Variants in ITFG1 observed in about 807,000 individuals in gnomAD.
ITFG1 encodes T-cell immunomodulatory protein.
A neutral mutation model predicts 81.8 loss-of-function variants in ITFG1; 34 were observed. The ratio of observed to expected loss-of-function variants is 0.42; its 90% CI spans 0.32 to 0.55. The LOEUF is 0.55. Ranked by LOEUF, ITFG1 falls within the 20% of genes least tolerant of loss-of-function variation. The probability of loss-of-function intolerance (pLI) is 0.17; values close to 1 mark genes in which losing one functional copy is unlikely to be tolerated. For synonymous variants in ITFG1, 285 were observed against 270.6 expected, an observed-to-expected ratio of 1.05 and a Z score of -0.52; for missense variants, 672 against 755.4, an observed-to-expected ratio of 0.89 and a Z score of 1.29.
chr16:47,415,868 C>T (rs1354357055), intron 6 of ITFG1, among the ~76,000 whole-genome samples: 5 of 151,972 alleles, frequency 3.3e-5, no homozygotes, highest in African/African-American at 1.2e-4. Flanking sequence ...CTGAGGTGGG[C>T]GGATCACCTG....
At chr16:47,289,856 C>T (rs1966887476) in intron 10 of ITFG1, among the ~76,000 whole-genome samples, 1 of 151,992 alleles carries the variant, frequency 6.6e-6, no homozygotes, top group Non-Finnish European at 1.5e-5. Context: ...CTGCTCTGAT[C>T]TTTATTGTTT....
chr16:47,303,121 A>G (rs149431170), intron 10 of ITFG1, among the ~76,000 whole-genome samples: 3,067 of 152,156 alleles, frequency 0.02, 104 homozygotes, highest in African/African-American at 0.07. Context: ...AATACAAAAA[A>G]TTAGCCAGGA....
chr16:47,181,872 T>C (rs1347080749), intron 14 of ITFG1, among the ~76,000 whole-genome samples: 1 of 152,204 alleles, frequency 6.6e-6, no homozygotes, highest in African/African-American at 2.4e-5. Context: ...CCTGTTGATC[T>C]ATGACCTTAC....
At chr16:47,438,217 A>G (rs994199042) in intron 5 of ITFG1, among the ~76,000 whole-genome samples, 2 of 152,234 alleles carry the variant, frequency 1.3e-5, no homozygotes, top group Non-Finnish European at 2.9e-5. Context: ...ACCACAGCTC[A>G]AGGAGGCCTG....
At chr16:47,211,759 T>A (rs1965563532) in intron 14 of ITFG1, among the ~76,000 whole-genome samples, 1 of 152,188 alleles carries the variant, frequency 6.6e-6, no homozygotes, top group African/African-American at 2.4e-5. Context: ...TCAGTTAATA[T>A]GACCATGTGG....
At chr16:47,175,289 G>A (rs1356174015) in intron 14 of ITFG1, among the ~76,000 whole-genome samples, 1 of 151,114 alleles carries the variant, frequency 6.6e-6, no homozygotes, top group Non-Finnish European at 1.5e-5. Context: ...TCTTTATCAT[G>A]AGGAAATTTA....
intron 14 of ITFG1, among the ~76,000 whole-genome samples, chr16:47,173,282 T>C (rs890053590): frequency 1.3e-5 from 2 of 152,186 alleles, no homozygotes; most frequent in African/African-American, 4.8e-5. Flanking sequence ...TTAAATAACT[T>C]ACTTAGTATG....
intron 13 of ITFG1, among the ~76,000 whole-genome samples, chr16:47,228,300 G>A (rs972713812): frequency 6.6e-6 from 1 of 152,054 alleles, no homozygotes; most frequent in African/African-American, 2.4e-5. Context: ...TTTAAAGCAT[G>A]GTAAAACAGT....
intron 14 of ITFG1, chr16:47,218,092 T>A (rs1443990641): frequency 6.6e-6 from 1 of 152,226 alleles, no homozygotes; most frequent in Non-Finnish European, 1.5e-5. Flanking sequence ...TATATTTGAT[T>A]TAGTAAGGCC....
At position 47,293,917 on chromosome 16, in the gene ITFG1, G is replaced by A. The variant is rs569382721; in HGVS notation, c.1070+17323C>T. On this transcript the variant is annotated intron_variant, in intron 10 of 17. Coordinates refer to ENST00000320640, the MANE Select transcript of ITFG1 (RefSeq NM_030790.5). ...TTGTCATTGTTGATTATGCTTTTGA[G>A]GCCTTAGTCATGAATTAGCTGCCTG... 2.2e-4 allele frequency among the ~76,000 whole-genome samples: 34 copies of A among 152,022 alleles called. No homozygotes were observed. In the South Asian group the frequency reaches 6.9e-3, roughly 31 times the overall value.
intron 7 of ITFG1, among the ~76,000 whole-genome samples, chr16:47,375,496 A>G (rs1968311971): frequency 6.6e-6 from 1 of 152,064 alleles, no homozygotes; most frequent in Non-Finnish European, 1.5e-5. Context: ...ATTTCTTTAT[A>G]TAAGCCTAAA....
At chr16:47,317,314 A>G (rs1967375464) in intron 8 of ITFG1, among the ~76,000 whole-genome samples, 1 of 152,226 alleles carries the variant, frequency 6.6e-6, no homozygotes. Flanking sequence ...TGTTCTTGTC[A>G]TAAAAATGGA....
intron 8 of ITFG1, among the ~76,000 whole-genome samples, chr16:47,341,310 C>T (rs374949377): frequency 3.4e-5 from 5 of 145,964 alleles, no homozygotes; most frequent in African/African-American, 1.0e-4. Context: ...GTGTGGTGCG[C>T]ACTTGTAATC....
At chr16:47,260,451 T>C in intron 11 of ITFG1, 94 bp downstream of exon 11, 1 of 1,338,580 alleles carries the variant, frequency 7.5e-7, no homozygotes, top group Non-Finnish European at 1.0e-6. Context: ...TTTTGTTGTG[T>C]TGTCCACATT....
intron 6 of ITFG1, among the ~76,000 whole-genome samples, chr16:47,424,491 T>G (rs1968993933): frequency 6.6e-6 from 1 of 152,222 alleles, no homozygotes; most frequent in African/African-American, 2.4e-5. Context: ...GGAGCTGCAA[T>G]CCTTTGGAGG....
chr16:47,411,732 C>G (rs184022464), intron 6 of ITFG1, among the ~76,000 whole-genome samples: 40 of 152,238 alleles, frequency 2.6e-4, no homozygotes, highest in African/African-American at 9.1e-4. Flanking sequence ...AAGATGGGTG[C>G]AGTCCTAATG....
chr16:47,179,639 T>TA (rs138464322), intron 14 of ITFG1, among the ~76,000 whole-genome samples: 18,018 of 151,446 alleles, frequency 0.12, 2,301 homozygotes, highest in African/African-American at 0.32. Context: ...TGTTTTTATT[T>TA]AAAAAAAAAG....
intron 8 of ITFG1, among the ~76,000 whole-genome samples, chr16:47,319,924 T>C (rs1967422907): frequency 6.6e-6 from 1 of 152,148 alleles, no homozygotes. Context: ...CCCAAATATA[T>C]ATACATATCT....
At chr16:47,242,359 C>T (rs1433440866) in intron 12 of ITFG1, among the ~76,000 whole-genome samples, 2 of 150,578 alleles carry the variant, frequency 1.3e-5, no homozygotes, top group Non-Finnish European at 3.0e-5. Context: ...GAGAAAGACA[C>T]TCAACTGCAC....
Sources: allele counts gnomAD v4.1 joint callset (sites outside exome capture counted in the v4.1 genomes callset), GRCh38; gene constraint gnomAD v4.1.1; transcripts MANE v1.5; gene names NCBI Gene and HGNC (gene_info 2026-07-23, HGNC 2026-07-21).